WDR27: variants seen among roughly 807,000 people sequenced by gnomAD.
WDR27 encodes the protein WD repeat domain 27, also known as WD repeat-containing protein 27.
A neutral mutation model predicts 114.4 loss-of-function variants in WDR27; 100 were observed. The ratio of observed to expected loss-of-function variants is 0.87; its 90% CI spans 0.74 to 1.03. The LOEUF (loss-of-function observed/expected upper bound fraction) is 1.03. Among genes scored for constraint, WDR27 ranks in the 50% least tolerant of loss-of-function variants. WDR27 has a pLI of 0.00. For missense variants in WDR27, 1,129 were observed against 1,092.9 expected, an observed-to-expected ratio of 1.03 and a Z score of -0.47; for synonymous variants, 449 against 423.1, an observed-to-expected ratio of 1.06 and a Z score of -0.75.
chr6:169,518,911 A>C (rs1380108890), intron 25 of WDR27, among the ~76,000 whole-genome samples: 4 of 152,322 alleles, frequency 2.6e-5, no homozygotes, highest in African/African-American at 7.2e-5. Context: ...GCCAGGCCAC[A>C]TCTTGAACAC....
chr6:169,637,320 C>A (rs1470380483), intron 18 of WDR27, among the ~76,000 whole-genome samples: 1 of 152,222 alleles, frequency 6.6e-6, no homozygotes, highest in Non-Finnish European at 1.5e-5. Flanking sequence ...CACACTGAAT[C>A]AATATTTAAA....
At chr6:169,700,706 G>C (rs538098115) in intron 1 of WDR27, among the ~76,000 whole-genome samples, 2 of 152,248 alleles carry the variant, frequency 1.3e-5, no homozygotes, top group Non-Finnish European at 2.9e-5. Context: ...GTTCTATTGG[G>C]GTGAATTGCT....
chr6:169,602,127 G>C (rs1236808576), intron 23 of WDR27, 92 bp downstream of exon 23: 1 of 890,182 alleles, frequency 1.1e-6, no homozygotes, highest in East Asian at 2.7e-5. Flanking sequence ...GCTGAAAGTA[G>C]GTTTCTATCC....
At chr6:169,601,746 T>C (rs558206204) in intron 23 of WDR27, among the ~76,000 whole-genome samples, 1 of 152,338 alleles carries the variant, frequency 6.6e-6, no homozygotes, top group African/African-American at 2.4e-5. Context: ...GACAAGTGGA[T>C]GTGTATTAGT....
chr6:169,682,268 G>A lies in WDR27; in HGVS notation c.189+6549C>T, dbSNP rs550421767. 7.2e-5 allele frequency among the ~76,000 whole-genome samples: 11 copies of A among 152,268 alleles called. No individual in the cohort carries two copies. The East Asian group carries it at 1.7e-3, about 24-fold the overall frequency. ...AGTCTCAGTTCTGGCCCCTCTCACT[G>A]CTGTTAGAAAACTATCCACGGACTC... On this transcript the variant is annotated intron_variant, in intron 2 of 25. Transcript: ENST00000448612.
intron 25 of WDR27, among the ~76,000 whole-genome samples, chr6:169,572,096 CA>C (rs1324940514): frequency 2.0e-5 from 3 of 151,910 alleles, no homozygotes; most frequent in South Asian, 2.1e-4. Flanking sequence ...AAACAAAACA[CA>C]AAAAGCCAAA....
chr6:169,582,146 G>T (rs9396979), intron 24 of WDR27, among the ~76,000 whole-genome samples: 11,530 of 152,054 alleles, frequency 0.076, 1,581 homozygotes, highest in East Asian at 0.58. Flanking sequence ...GCTCATTTTT[G>T]TATTTTTTAG....
At chr6:169,462,445 G>A (rs1583572121) in intron 25 of WDR27, among the ~76,000 whole-genome samples, 2 of 148,976 alleles carry the variant, frequency 1.3e-5, no homozygotes, top group East Asian at 4.0e-4. Context: ...AAGGAAGGAA[G>A]GAAGGAGACA....
chr6:169,570,314 C>T (rs940520222), intron 25 of WDR27, among the ~76,000 whole-genome samples: 5 of 152,152 alleles, frequency 3.3e-5, no homozygotes, highest in Admixed American at 3.3e-4. Flanking sequence ...CAAATTTCAA[C>T]ACAGATGAAA....
chr6:169,465,817 T>C lies in WDR27; in HGVS notation c.2646-8183A>G, dbSNP rs1397591118. Among the ~76,000 whole-genome samples, 7 of 152,118 alleles carry C rather than the reference T, an allele frequency of 4.6e-5. No individual in the cohort carries two copies. In the East Asian group the frequency reaches 1.3e-3, roughly 29 times the overall value. ...AAAAGATAAATGTGAGGTACCTAAA[T>C]AGTCAAAATCAGAGATACAGGAAGT... On this transcript the variant is annotated intron_variant, in intron 25 of 25. Coordinates refer to ENST00000448612, the MANE Select transcript of WDR27 (RefSeq NM_182552.5).
At chr6:169,477,054 C>T (rs975931622) in intron 25 of WDR27, among the ~76,000 whole-genome samples, 2 of 152,082 alleles carry the variant, frequency 1.3e-5, no homozygotes, top group African/African-American at 4.8e-5. Flanking sequence ...ATTTTAAATC[C>T]TAAATAGTAA....
At chr6:169,525,178 A>G (rs1794805383) in intron 25 of WDR27, among the ~76,000 whole-genome samples, 1 of 152,190 alleles carries the variant, frequency 6.6e-6, no homozygotes. Flanking sequence ...AAAATGCTCA[A>G]TATCACTTAT....
At chr6:169,466,168 C>G (rs570032932) in intron 25 of WDR27, among the ~76,000 whole-genome samples, 98 of 152,258 alleles carry the variant, frequency 6.4e-4, no homozygotes, top group African/African-American at 2.3e-3. Flanking sequence ...AGACGGCTCA[C>G]CCAATATATT....
chr6:169,433,469 G>C, the WDR27 span, among the ~76,000 whole-genome samples: 2 of 152,130 alleles, frequency 1.3e-5, no homozygotes, highest in African/African-American at 4.8e-5. Context: ...ATGTGCCACA[G>C]TTTCTTTATC....
At chr6:169,459,926 T>C (rs1463126961) in intron 25 of WDR27, among the ~76,000 whole-genome samples, 2 of 152,156 alleles carry the variant, frequency 1.3e-5, no homozygotes, top group Non-Finnish European at 2.9e-5. Flanking sequence ...AGGAAGTTTG[T>C]TACCACTAGA....
chr6:169,634,418 G>C lies in WDR27; in HGVS notation c.2101+10C>G, dbSNP rs942940157. 4.4e-6 allele frequency: 7 copies of C among 1,603,346 alleles called. No homozygotes were observed. In the Admixed American group the frequency reaches 5.1e-5, roughly 12 times the overall value. On this transcript the variant is annotated intron_variant, in intron 20 of 25. Coordinates refer to ENST00000448612, the MANE Select transcript of WDR27 (RefSeq NM_182552.5). ...CGTAAAACCCTACCAGGATCCGGGA[G>C]AAAGGATACGGGAATAAAAGTCGTT... is the stretch of plus-strand genomic sequence containing the variant.
At chr6:169,619,793 T>C (rs141489321) in intron 21 of WDR27, among the ~76,000 whole-genome samples, 42 of 152,286 alleles carry the variant, frequency 2.8e-4, no homozygotes, top group African/African-American at 8.4e-4. Context: ...CCTGTTCAGA[T>C]CTTTAAAAGG....
intron 23 of WDR27, among the ~76,000 whole-genome samples, chr6:169,583,665 A>C (rs1804005408): frequency 6.6e-6 from 1 of 151,942 alleles, no homozygotes; most frequent in Non-Finnish European, 1.5e-5. Flanking sequence ...AAAGTGTATC[A>C]ACAAATATTT....
chr6:169,657,661 C>T (rs1487119388), intron 13 of WDR27: 2 of 152,606 alleles, frequency 1.3e-5, no homozygotes, highest in East Asian at 1.9e-4. Flanking sequence ...AACATAATGA[C>T]GTTTACCATC....
Sources: allele counts gnomAD v4.1 joint callset (sites outside exome capture counted in the v4.1 genomes callset), GRCh38; gene constraint gnomAD v4.1.1; transcripts MANE v1.5; gene names NCBI Gene and HGNC (gene_info 2026-07-23, HGNC 2026-07-21).